PTPRA: variants seen among roughly 807,000 people sequenced by gnomAD.
The protein encoded by PTPRA is protein tyrosine phosphatase receptor type A.
PTPRA carries 25 observed loss-of-function variants against 104.8 expected under a neutral mutation model. That is an observed-to-expected ratio of 0.24 (90% CI 0.17 to 0.33). The LOEUF (loss-of-function observed/expected upper bound fraction) is 0.33, where lower values mean the gene tolerates loss of function less well. Among genes scored for constraint, PTPRA ranks in the 10% least tolerant of loss-of-function variants. The pLI is 1.00. For synonymous variants in PTPRA, 323 were observed against 368.9 expected (o/e 0.88, Z 1.43); for missense variants, 765 against 1,015.3 (o/e 0.75, Z 3.35).
At chr20:2,930,425 G>A (rs1400270692) in intron 2 of PTPRA, among the ~76,000 whole-genome samples, 3 of 152,184 alleles carry the variant, frequency 2.0e-5, no homozygotes, top group Non-Finnish European at 4.4e-5. Flanking sequence ...AGATGAGGTT[G>A]CAAATGTAGT....
At position 3,027,183 on chromosome 20, in the gene PTPRA, G is replaced by A. The variant is rs1333874144; in HGVS notation, c.1771G>A (p.Ala591Thr). Reference protein sequence around the residue: ...RGEENTDYVNASFIDGYRQKD... With the variant: ...RGEENTDYVNTSFIDGYRQKD... ...CGAAGAGAATACAGACTATGTGAAC[G>A]CATCCTTTATTGATGTAAGTGGTGG... Residue 591 changes from alanine (A) to threonine (T), a missense_variant, in exon 19 of 24, where the codon GCA becomes ACA. Ala to Thr is a moderately conservative substitution (Grantham distance 58). Transcript: ENST00000399903. 1.9e-6 allele frequency: 3 copies of A among 1,613,856 alleles called. No homozygotes were observed. Among genetic ancestry groups the A allele is most frequent in the East Asian group, 2.2e-5 (1 of 44,888 alleles).
At position 2,969,237 on chromosome 20, in the gene PTPRA, A is replaced by G. The variant is rs943771681; in HGVS notation, c.415+4035A>G. 2.5e-5 allele frequency among the ~76,000 whole-genome samples: 3 copies of G among 121,616 alleles called. No homozygotes were observed. In the South Asian group the frequency reaches 9.4e-4, roughly 38 times the overall value. 79.8% of individuals were successfully genotyped at this position (121,616 alleles called of 152,430 possible). On this transcript the variant is annotated intron_variant, in intron 5 of 23. Transcript: ENST00000399903. The stretch of plus-strand genomic sequence containing the variant: ...CAAAAAAAAAAAATCAGTGACAAGT[A>G]AAAAGGTAGAATACCTTTTTTTTTT...
At chr20:2,872,388 C>T (rs769143942), upstream of PTPRA, among the ~76,000 whole-genome samples, 2 of 152,224 alleles carry the variant, frequency 1.3e-5, no homozygotes, top group Non-Finnish European at 2.9e-5. The surrounding 1 kb of genome is among the most constrained non-coding windows in gnomAD (Gnocchi z 7.9). Context: ...AGGAGAGACT[C>T]GCCGCCACCT....
At chr20:2,878,149 CAAAAA>C (rs1362087286) in intron 1 of PTPRA, among the ~76,000 whole-genome samples, 1 of 150,014 alleles carries the variant, frequency 6.7e-6, no homozygotes, top group Non-Finnish European at 1.5e-5. Flanking sequence ...GACTCCGTCT[CAAAAA>C]AAAGAAAAAA....
In PTPRA at chr20:3,035,895, A is replaced by AAGC; in HGVS notation, c.2164_2166dup (p.Gln722dup). The AAGC allele has an allele frequency of 6.2e-7, 1 of 1,614,042 alleles. No individual in the cohort carries two copies. The highest frequency in any genetic ancestry group is 8.5e-7 in the Non-Finnish European group (1 of 1,180,040). ...GATCAGCATCATCGCCGCCGTGCAG[A>AAGC]AGCAGCAGCAGCAGTCAGGGAACCA... On this transcript the variant is annotated inframe_insertion, in exon 22 of 24. Coordinates refer to ENST00000399903, the MANE Select transcript of PTPRA (RefSeq NM_001385305.1). This position sits in a 1 kb window ranked among gnomAD's most constrained non-coding sequence, Gnocchi z 5.8.
chr20:3,003,002 G>A (rs531657324), intron 9 of PTPRA, among the ~76,000 whole-genome samples: 1 of 152,090 alleles, frequency 6.6e-6, no homozygotes, highest in African/African-American at 2.4e-5. Flanking sequence ...TGTTCTCTGT[G>A]TCTGGAATAC....
chr20:2,971,876 C>T (rs1239329629), intron 5 of PTPRA, among the ~76,000 whole-genome samples: 1 of 152,088 alleles, frequency 6.6e-6, no homozygotes, highest in Non-Finnish European at 1.5e-5. Flanking sequence ...GAGTCTGTTA[C>T]CAGGCTGGAG....
At chr20:3,027,640 C>G in intron 19 of PTPRA, 67 bp from the exon 20 acceptor site, 1 of 1,560,040 alleles carries the variant, frequency 6.4e-7, no homozygotes, top group South Asian at 1.2e-5. Flanking sequence ...TTCTAGTGGT[C>G]TGTCTTCTCC....
intron 9 of PTPRA, among the ~76,000 whole-genome samples, chr20:2,989,730 T>C (rs2063068096): frequency 6.6e-6 from 1 of 151,758 alleles, no homozygotes; most frequent in Admixed American, 6.6e-5. Context: ...CTTGAAAAAA[T>C]GACTCAGCTG....
chr20:3,006,180 T>C (rs917723600), intron 10 of PTPRA, among the ~76,000 whole-genome samples: 5 of 152,062 alleles, frequency 3.3e-5, no homozygotes, highest in African/African-American at 1.2e-4. Context: ...TTTTAAAAAT[T>C]CATCCTTTTA....
rs1169013222 is a variant in PTPRA at position 2,909,939 on chromosome 20, G to A, written c.-128-13268G>A. Among the ~76,000 whole-genome samples, 23 of 122,122 alleles carry A rather than the reference G, an allele frequency of 1.9e-4. 1 individual carries two copies. The highest frequency in any genetic ancestry group is 1.0e-3 in the Admixed American group (11 of 10,882). 80.1% of individuals were successfully genotyped at this position (122,122 alleles called of 152,430 possible). On this transcript the variant is annotated intron_variant, in intron 1 of 23. Coordinates refer to ENST00000399903, the MANE Select transcript of PTPRA (RefSeq NM_001385305.1). ...TGTTATATATTGTTATATATAATAT[G>A]TGTAATTATATATTATAATATATGA... is the stretch of plus-strand genomic sequence containing the variant.
intron 13 of PTPRA, among the ~76,000 whole-genome samples, chr20:3,019,193 G>A (rs1414344696): frequency 2.2e-4 from 32 of 143,310 alleles, no homozygotes; most frequent in Admixed American, 2.7e-4. Flanking sequence ...GCGGCCGGCC[G>A]GGCGTGGGGC....
chr20:2,929,322 A>C (rs1230610599), intron 2 of PTPRA, among the ~76,000 whole-genome samples: 2 of 152,104 alleles, frequency 1.3e-5, no homozygotes. Context: ...GAACGTTAAT[A>C]GTTGACCACA....
At chr20:2,943,189 G>A (rs969645061) in intron 2 of PTPRA, among the ~76,000 whole-genome samples, 4 of 148,794 alleles carry the variant, frequency 2.7e-5, no homozygotes, top group African/African-American at 1.0e-4. Context: ...GGCATCTACT[G>A]GGAGTCTTGG....
the PTPRA span, chr20:2,865,993 T>G: frequency 1.7e-6 from 1 of 577,616 alleles, no homozygotes; most frequent in South Asian, 2.1e-5. The surrounding 1 kb of genome is among the most constrained non-coding windows in gnomAD (Gnocchi z 5.2). Context: ...AAATAATTGG[T>G]CTCAAGTCTC....
At chr20:2,920,095 A>G (rs2060047079) in intron 1 of PTPRA, among the ~76,000 whole-genome samples, 1 of 152,196 alleles carries the variant, frequency 6.6e-6, no homozygotes, top group South Asian at 2.1e-4. Context: ...CTTTACAGAA[A>G]AAGTTTGCTA....
At chr20:2,886,106 T>A (rs1347642545) in intron 1 of PTPRA, among the ~76,000 whole-genome samples, 2 of 152,152 alleles carry the variant, frequency 1.3e-5, no homozygotes, top group Non-Finnish European at 2.9e-5. Flanking sequence ...TGAACATAAG[T>A]ATAGATCTTG....
chr20:2,979,747 T>G (rs1411989298), intron 6 of PTPRA, among the ~76,000 whole-genome samples: 1 of 152,200 alleles, frequency 6.6e-6, no homozygotes, highest in Non-Finnish European at 1.5e-5. Context: ...TCTCGCTAAG[T>G]TGCCCAGGCT....
chr20:2,894,848 G>C lies in PTPRA; in HGVS notation c.-129+21088G>C, dbSNP rs138735410. Reference sequence around the variant, plus strand: ...AAAAATACAAATAAATTGGCCAGGCGTGGTGACGGGCGCCTGTAGTCCCAG... The same window carrying C: ...AAAAATACAAATAAATTGGCCAGGCCTGGTGACGGGCGCCTGTAGTCCCAG... On this transcript the variant is annotated intron_variant, in intron 1 of 23. Transcript: ENST00000399903. Among the ~76,000 whole-genome samples, 219 of 151,810 alleles carry C rather than the reference G, an allele frequency of 1.4e-3. 5 individuals carry two copies. The East Asian group carries it at 0.017, about 12-fold the overall frequency.
Sources: gnomAD v4.1 joint callset for allele counts (sites outside exome capture counted in the v4.1 genomes callset) on GRCh38, gnomAD v4.1.1 for gene constraint, Gnocchi (gnomAD v3.1) non-coding constraint, MANE v1.5 for transcripts, NCBI Gene and HGNC (gene_info 2026-07-23, HGNC 2026-07-21) for gene names.